MARK3: variants seen among roughly 807,000 people sequenced by gnomAD.
MARK3 encodes the protein MAP/microtubule affinity-regulating kinase 3.
MARK3 carries 46 observed loss-of-function variants against 90.1 expected under a neutral mutation model. The ratio of observed to expected loss-of-function variants is 0.51; its 90% CI spans 0.40 to 0.65. MARK3 has a LOEUF of 0.65. MARK3 is among the 30% of genes least tolerant of loss of function. The probability of loss-of-function intolerance (pLI) is 0.00; values close to 1 mark genes in which losing one functional copy is unlikely to be tolerated. For synonymous variants in MARK3, 321 were observed against 332.6 expected, an observed-to-expected ratio of 0.97 and a Z score of 0.38; for missense variants, 818 against 947.2, an observed-to-expected ratio of 0.86 and a Z score of 1.79.
At chr14:103,480,845 G>A (rs2093806703) in intron 14 of MARK3, among the ~76,000 whole-genome samples, 2 of 152,152 alleles carry the variant, frequency 1.3e-5, no homozygotes, top group African/African-American at 4.8e-5. Context: ...CCGAAAGTGG[G>A]GGAAGATAAG....
intron 1 of MARK3, among the ~76,000 whole-genome samples, chr14:103,389,891 C>T (rs1595412062): frequency 7.7e-6 from 1 of 130,680 alleles, no homozygotes; most frequent in East Asian, 2.4e-4. Flanking sequence ...GTGCAGTGAG[C>T]TGAGATCAAG....
chr14:103,405,133 G>A lies in MARK3; in HGVS notation c.109G>A (p.Ala37Thr), dbSNP rs772097999. The change falls in exon 2 of 18, where the codon GCT becomes ACT. Residue 37 changes from alanine to threonine, a missense_variant. Ala to Thr is a moderately conservative substitution (Grantham distance 58, BLOSUM62 0). Transcript: ENST00000429436. ...TACCTCTCGTACCAGCCGCTCAGGA[G>A]CTCGGTGTAGAAACTCTATAGCCTC... ...EVTSRTSRSG[A>T]RCRNSIASCA... The A allele has an allele frequency of 1.2e-6, 2 of 1,613,838 alleles. No individual in the cohort carries two copies. Among genetic ancestry groups the A allele is most frequent in the Admixed American group, 3.3e-5 (2 of 59,930 alleles).
chr14:103,503,447 T>G lies in MARK3; in HGVS notation c.*220T>G. The G allele has an allele frequency of 1.8e-6, 1 of 549,174 alleles. No individual in the cohort carries two copies. Among genetic ancestry groups the G allele is most frequent in the Non-Finnish European group, 3.2e-6 (1 of 311,196 alleles). 34.0% of individuals were successfully genotyped at this position (549,174 alleles called of 1,614,324 possible). On this transcript the variant is annotated 3_prime_UTR_variant, in exon 18 of 18. Transcript: ENST00000429436. Reference sequence around the variant, plus strand: ...TATGCGCCCCCTGCCCTACTTCCGTTACCCTGAGAGTCGGTGTGTGGCCCC... The same window carrying G: ...TATGCGCCCCCTGCCCTACTTCCGTGACCCTGAGAGTCGGTGTGTGGCCCC...
intron 2 of MARK3, among the ~76,000 whole-genome samples, chr14:103,410,258 C>T (rs879817991): frequency 2.0e-5 from 3 of 151,350 alleles, no homozygotes; most frequent in Non-Finnish European, 4.4e-5. Flanking sequence ...ACATGAAGGG[C>T]GTGATGGAAG....
Position 103,426,944 on chromosome 14 carries a change from T to C in MARK3, c.244-1443T>C, listed in dbSNP as rs570190052. Among the ~76,000 whole-genome samples the C allele has an allele frequency of 2.0e-5, 3 of 152,178 alleles. No homozygotes were observed. The South Asian group carries it at 6.2e-4, about 32-fold the overall frequency. On this transcript the variant is annotated intron_variant, in intron 2 of 17. Transcript: ENST00000429436. ...TTTTCAGATTCAATACCCACCTATT[T>C]GTATGCTTACCCATCCCAGAGTCAG...
intron 3 of MARK3, chr14:103,429,175 A>C (rs1440392462): frequency 6.6e-6 from 1 of 152,156 alleles, no homozygotes; most frequent in Non-Finnish European, 1.5e-5. Context: ...CTTTTTACAT[A>C]CTTCATTTGA....
intron 14 of MARK3, among the ~76,000 whole-genome samples, chr14:103,481,753 A>ATTTTTT (rs1555400573): frequency 2.0e-5 from 1 of 50,952 alleles, no homozygotes. Context: ...TGATATAGGT[A>ATTTTTT]TTTCTTTTTT....
intron 15 of MARK3, among the ~76,000 whole-genome samples, chr14:103,498,260 G>C (rs1335646865): frequency 6.6e-6 from 1 of 150,798 alleles, no homozygotes; most frequent in Non-Finnish European, 1.5e-5. Context: ...TACAGCTAAT[G>C]TCAATATGTA....
At position 103,435,534 on chromosome 14, in the gene MARK3, G is replaced by C. The variant is rs192471081; in HGVS notation, c.297+7094G>C. The stretch of plus-strand genomic sequence containing the variant: ...CGCCATTCTCCTGCCTCAGCCTCCC[G>C]AGTAGCTGGGACTACAAGCACCCGC... On this transcript the variant is annotated intron_variant, in intron 3 of 17. Transcript: ENST00000429436. Among the ~76,000 whole-genome samples the C allele has an allele frequency of 8.0e-4, 120 of 150,728 alleles. 2 individuals carry two copies. The East Asian group carries it at 0.021, about 26-fold the overall frequency.
At chr14:103,491,585 T>C in intron 14 of MARK3, 192 bp from the exon 15 acceptor site, 1 of 585,862 alleles carries the variant, frequency 1.7e-6, no homozygotes, top group East Asian at 2.9e-5. Context: ...TCCATGAGGC[T>C]TTGTCTCATT....
chr14:103,396,894 A>C (rs2090614273), intron 1 of MARK3, among the ~76,000 whole-genome samples: 1 of 152,132 alleles, frequency 6.6e-6, no homozygotes, highest in Non-Finnish European at 1.5e-5. Context: ...CAAGCACTTG[A>C]AACGTGGTTA....
intron 1 of MARK3, among the ~76,000 whole-genome samples, chr14:103,396,794 T>G (rs2090608027): frequency 6.6e-6 from 1 of 152,110 alleles, no homozygotes; most frequent in South Asian, 2.1e-4. Flanking sequence ...GTACCTTTTT[T>G]CCTTCATCTC....
At chr14:103,390,163 G>T (rs1172023073) in intron 1 of MARK3, among the ~76,000 whole-genome samples, 1 of 151,852 alleles carries the variant, frequency 6.6e-6, no homozygotes, top group Non-Finnish European at 1.5e-5. Context: ...CAGGAGAATG[G>T]CGTGATCCCG....
chr14:103,400,324 G>A (rs1002163557), intron 1 of MARK3, among the ~76,000 whole-genome samples: 1 of 152,154 alleles, frequency 6.6e-6, no homozygotes, highest in African/African-American at 2.4e-5. Flanking sequence ...CCAGAACTAA[G>A]CCAGATGGCT....
chr14:103,498,401 T>A, intron 15 of MARK3, 101 bp from the exon 16 acceptor site: 1 of 854,930 alleles, frequency 1.2e-6, no homozygotes, highest in Non-Finnish European at 1.7e-6. Flanking sequence ...GGAACCCTGC[T>A]TTGTTTTTTT....
At chr14:103,461,070 T>G (rs1430998643) in intron 6 of MARK3, among the ~76,000 whole-genome samples, 2 of 152,198 alleles carry the variant, frequency 1.3e-5, no homozygotes, top group African/African-American at 4.8e-5. Flanking sequence ...AACCAAAATA[T>G]TATACAGCCC....
chr14:103,499,893 G>A (rs999822466), intron 16 of MARK3: 23 of 499,358 alleles, frequency 4.6e-5, no homozygotes, highest in African/African-American at 9.7e-5. Flanking sequence ...AGCGTGCAGC[G>A]GTATGGCATG....
At chr14:103,449,198 TA>T (rs2093069639) in intron 4 of MARK3, among the ~76,000 whole-genome samples, 1 of 151,790 alleles carries the variant, frequency 6.6e-6, no homozygotes, top group African/African-American at 2.4e-5. Context: ...ACTCTGATTA[TA>T]ATTTTCTAAT....
chr14:103,408,305 A>G (rs2091435416), intron 2 of MARK3, among the ~76,000 whole-genome samples: 1 of 152,076 alleles, frequency 6.6e-6, no homozygotes, highest in South Asian at 2.1e-4. Context: ...CTCCTGCCTT[A>G]GCCTCCCGAG....
Sources: allele counts gnomAD v4.1 joint callset (sites outside exome capture counted in the v4.1 genomes callset), GRCh38; gene constraint gnomAD v4.1.1; transcripts MANE v1.5; gene names NCBI Gene and HGNC (gene_info 2026-07-23, HGNC 2026-07-21).